Variants in LSM4 observed in about 807,000 individuals in gnomAD.
The protein encoded by LSM4 is U6 snRNA-associated Sm-like protein LSm4.
Under a neutral mutation model 22.3 loss-of-function variants are expected in LSM4, and 15 were observed. The ratio of observed to expected loss-of-function variants is 0.67; its 90% CI spans 0.45 to 1.03. The LOEUF (loss-of-function observed/expected upper bound fraction) is 1.03. LSM4 is among the 50% of genes least tolerant of loss of function. The pLI is 0.00. For missense variants in LSM4, 127 were observed against 198.0 expected (o/e 0.64, Z 2.15); for synonymous variants, 90 against 79.8 (o/e 1.13, Z -0.68).
rs1188604540 is a variant in LSM4, at chr19:18,323,051, C to G, written c.-31G>C. The G allele has an allele frequency of 1.3e-6, 2 of 1,525,848 alleles. No individual in the cohort carries two copies. The highest frequency in any genetic ancestry group is 2.9e-5 in the African/African-American group (2 of 69,248). 94.5% of individuals were successfully genotyped at this position (1,525,848 alleles called of 1,614,324 possible). On this transcript the variant is annotated 5_prime_UTR_variant, in exon 1 of 5. Coordinates refer to ENST00000593829, the MANE Select transcript of LSM4 (RefSeq NM_012321.5). ...CGGCGGGGACCGGGCTCGCCGGCCA[C>G]TTCCGCCGCCGCCGCTGCACACGCT...
chr19:18,306,610 C>G lies in LSM4; in HGVS notation c.*854G>C, dbSNP rs1197964200. On this transcript the variant is annotated 3_prime_UTR_variant, in exon 5 of 5. Coordinates refer to ENST00000593829, the MANE Select transcript of LSM4 (RefSeq NM_012321.5). ...GGGGTGATGGGGACCATGCGTGGCC[C>G]CTGCCTGGGACTTCCCTCCCCACAC... 1 of 152,348 alleles carries G rather than the reference C, an allele frequency of 6.6e-6. No individual in the cohort carries two copies. The highest frequency in any genetic ancestry group is 2.4e-5 in the African/African-American group (1 of 41,444). 9.4% of individuals were successfully genotyped at this position (152,348 alleles called of 1,614,324 possible).
Position 18,307,203 on chromosome 19 carries a change from T to G in LSM4, c.*261A>C, listed in dbSNP as rs953177487. 2.6e-6 allele frequency: 1 copy of G among 390,156 alleles called. No individual in the cohort carries two copies. The highest frequency in any genetic ancestry group is 4.6e-6 in the Non-Finnish European group (1 of 219,140). 24.2% of individuals were successfully genotyped at this position (390,156 alleles called of 1,614,324 possible). ...CAGAGCGAGGGCTTGAAAGATGCCT[T>G]CAACACAGACTCTTCTAGGAATCCA... On this transcript the variant is annotated 3_prime_UTR_variant, in exon 5 of 5. Coordinates refer to ENST00000593829, the MANE Select transcript of LSM4 (RefSeq NM_012321.5).
chr19:18,315,963 CGCCCCTGTGCTGAGGCTG>C, intron 2 of LSM4, 43 bp downstream of exon 2: 1 of 1,525,596 alleles, frequency 6.6e-7, no homozygotes, highest in Non-Finnish European at 9.0e-7. Context: ...GCTCAGCCAC[CGCCCCTGTGCTGAGGCTG>C]GCCCCCTCTC....
At chr19:18,307,624 C>A in intron 4 of LSM4, 69 bp from the exon 5 acceptor site, 1 of 1,192,174 alleles carries the variant, frequency 8.4e-7, no homozygotes, top group Non-Finnish European at 1.1e-6. Flanking sequence ...TCCCGGCGCC[C>A]TGAAACTCTA....
intron 4 of LSM4, chr19:18,309,417 C>A: frequency 1.9e-6 from 1 of 527,248 alleles, no homozygotes. Flanking sequence ...CCACCATACC[C>A]TCTCAGAGGG....
At chr19:18,311,028 C>T (rs1036218151) in intron 3 of LSM4, among the ~76,000 whole-genome samples, 18 of 152,198 alleles carry the variant, frequency 1.2e-4, no homozygotes, top group Non-Finnish European at 2.4e-4. Context: ...TAGGTGTGGC[C>T]TGGCCTAGCG....
intron 2 of LSM4, among the ~76,000 whole-genome samples, chr19:18,314,428 G>A (rs1970331476): frequency 6.6e-6 from 1 of 151,930 alleles, no homozygotes; most frequent in Admixed American, 6.6e-5. Flanking sequence ...TCAGGAGGCT[G>A]AGGCAGGAAA....
At position 18,312,720 on chromosome 19, in the gene LSM4, T is replaced by G. The variant is rs370739655; in HGVS notation, c.46-18A>C. 5.3e-5 allele frequency: 85 copies of G among 1,598,656 alleles called. No individual in the cohort carries two copies. Among genetic ancestry groups the G allele is most frequent in the Non-Finnish European group, 7.1e-5 (83 of 1,166,332 alleles). On this transcript the variant is annotated intron_variant, in intron 2 of 4. Transcript: ENST00000593829. ...TCCACCAACTAGAAGAGAGACAGGCTAGAGGTTGGCTGTAGCCCTGGAGCC... is the reference window on the plus strand; with the variant it reads ...TCCACCAACTAGAAGAGAGACAGGCGAGAGGTTGGCTGTAGCCCTGGAGCC...
Position 18,307,372 on chromosome 19 carries a change from G to C in LSM4, c.*92C>G. On this transcript the variant is annotated 3_prime_UTR_variant, in exon 5 of 5. Transcript: ENST00000593829. The stretch of plus-strand genomic sequence containing the variant: ...ACGAAGGGGGTTCCCCCTGGCGCCT[G>C]CCTCTTCCTTTCTGAGCAGATCCGT... 1 of 1,064,866 alleles carries C rather than the reference G, an allele frequency of 9.4e-7. No individual in the cohort carries two copies. The highest frequency in any genetic ancestry group is 1.2e-6 in the Non-Finnish European group (1 of 812,162). 66.0% of individuals were successfully genotyped at this position (1,064,866 alleles called of 1,614,324 possible). A position where few individuals can be genotyped will look rare whatever the true frequency, so the allele number is the denominator to read the frequency against.
rs1236404121 is a variant in LSM4, at chr19:18,306,314, G to A, written c.*1150C>T. 1 of 152,242 alleles carries A rather than the reference G, an allele frequency of 6.6e-6. No homozygotes were observed. Among genetic ancestry groups the A allele is most frequent in the Non-Finnish European group, 1.5e-5 (1 of 68,044 alleles). The allele number at this position is 152,242 out of a possible 1,614,324, so 9.4% of individuals were successfully genotyped here. A position where few individuals can be genotyped will look rare whatever the true frequency, so the allele number is the denominator to read the frequency against. On this transcript the variant is annotated 3_prime_UTR_variant, in exon 5 of 5. Transcript: ENST00000593829. ...ACGAGGACCCTGAAGAGAAGGCTAT[G>A]CAGGGGGACGGGCCGCTGCCTGGCT...
At chr19:18,311,651 C>G (rs1198358575) in intron 3 of LSM4, among the ~76,000 whole-genome samples, 1 of 152,166 alleles carries the variant, frequency 6.6e-6, no homozygotes, top group Non-Finnish European at 1.5e-5. Flanking sequence ...CACAGCCAGA[C>G]TGGACCCACC....
intron 3 of LSM4, 55 bp downstream of exon 3, chr19:18,312,549 G>A (rs1970309456): frequency 9.0e-6 from 13 of 1,445,988 alleles, no homozygotes; most frequent in Non-Finnish European, 1.3e-5. Context: ...AGGGAGGGAG[G>A]AGGCTGAGTG....
chr19:18,314,020 G>C (rs995669735), intron 2 of LSM4, among the ~76,000 whole-genome samples: 2 of 151,700 alleles, frequency 1.3e-5, no homozygotes, highest in Non-Finnish European at 2.9e-5. Context: ...CACCATGTTG[G>C]CCAGGCTGGT....
In LSM4 at chr19:18,307,485, G is replaced by T; in HGVS notation, c.399C>A (p.Gly133=). ...TGRGQPEKKP[G]RQAGKQ is the part of the protein sequence containing the mutation. Reference sequence around the variant, plus strand: ...GCGCTCACTGTTTGCCCGCCTGTCTGCCAGGCTTCTTCTCTGGCTGGCCTC... The same window carrying T: ...GCGCTCACTGTTTGCCCGCCTGTCTTCCAGGCTTCTTCTCTGGCTGGCCTC... The change falls in exon 5 of 5, where the codon GGC becomes GGA. Residue 133 remains glycine, a synonymous_variant. Transcript: ENST00000593829. 6.4e-7 allele frequency: 1 copy of T among 1,552,130 alleles called. No homozygotes were observed.
At chr19:18,320,844 G>A (rs2148147972) in intron 1 of LSM4, among the ~76,000 whole-genome samples, 1 of 152,260 alleles carries the variant, frequency 6.6e-6, no homozygotes, top group East Asian at 1.9e-4. Context: ...TGCCAAGTGT[G>A]ATAGGAGAGG....
At chr19:18,310,475 C>T (rs551943210) in intron 3 of LSM4, among the ~76,000 whole-genome samples, 3 of 152,228 alleles carry the variant, frequency 2.0e-5, no homozygotes, top group South Asian at 2.1e-4. Flanking sequence ...GGCTCAAGGG[C>T]GGCTCCCAGC....
chr19:18,317,312 AC>A (rs1379548768), intron 1 of LSM4, among the ~76,000 whole-genome samples: 2 of 139,650 alleles, frequency 1.4e-5, no homozygotes, highest in Non-Finnish European at 3.1e-5. Context: ...TTGAGCCATC[AC>A]CCCCCGCCTG....
At chr19:18,317,114 G>A (rs953089729) in intron 1 of LSM4, among the ~76,000 whole-genome samples, 2 of 151,642 alleles carry the variant, frequency 1.3e-5, no homozygotes, top group Non-Finnish European at 2.9e-5. Flanking sequence ...TCCACCTCCC[G>A]GGTTCAAGTG....
At chr19:18,312,428 T>C (rs201234704) in intron 3 of LSM4, 176 bp downstream of exon 3, 14 of 587,334 alleles carry the variant, frequency 2.4e-5, no homozygotes, top group Middle Eastern at 4.6e-4. Context: ...CAGGGCACAC[T>C]GGGAGACTTG....
Sources: gnomAD v4.1 joint callset for allele counts (sites outside exome capture counted in the v4.1 genomes callset) on GRCh38, gnomAD v4.1.1 for gene constraint, MANE v1.5 for transcripts, NCBI Gene and HGNC (gene_info 2026-07-23, HGNC 2026-07-21) for gene names.